Variants in WDFY1 observed in about 807,000 individuals in gnomAD.
WDFY1 encodes the protein WD repeat and FYVE domain containing 1, also known as WD repeat and FYVE domain-containing protein 1.
WDFY1 carries 32 observed loss-of-function variants against 56.4 expected under a neutral mutation model. The observed-to-expected ratio is 0.57, with a 90% CI of 0.43 to 0.76. The LOEUF (loss-of-function observed/expected upper bound fraction) is 0.76, where lower values mean the gene tolerates loss of function less well. Among genes scored for constraint, WDFY1 ranks in the 30% least tolerant of loss-of-function variants. The pLI is 0.00. For synonymous variants in WDFY1, 192 were observed against 197.3 expected (o/e 0.97, Z 0.23); for missense variants, 480 against 545.7 (o/e 0.88, Z 1.20).
At chr2:223,906,520 C>G (rs1240016024) in intron 3 of WDFY1, among the ~76,000 whole-genome samples, 3 of 151,888 alleles carry the variant, frequency 2.0e-5, no homozygotes, top group Non-Finnish European at 4.4e-5. Flanking sequence ...TTTTATGATC[C>G]CATATTTTCC....
rs1484570853 is a variant in WDFY1 at position 223,906,764 on chromosome 2, C to T, written c.280-763G>A. On this transcript the variant is annotated intron_variant, in intron 3 of 11. Coordinates refer to ENST00000233055, the MANE Select transcript of WDFY1 (RefSeq NM_020830.5). ...CGAACTCCTGACCTCAGGTGATCCA[C>T]CCACCTTAGCCTCCCAAAGTGCTGG... is the stretch of plus-strand genomic sequence containing the variant. Among the ~76,000 whole-genome samples the T allele has an allele frequency of 3.9e-5, 6 of 152,094 alleles. No homozygotes were observed. In the South Asian group the frequency reaches 1.2e-3, roughly 32 times the overall value.
chr2:223,896,337 A>G (rs1559165658), intron 6 of WDFY1, among the ~76,000 whole-genome samples: 1 of 19,466 alleles, frequency 5.1e-5, no homozygotes, highest in Admixed American at 7.3e-4. Context: ...TCCAACCTAC[A>G]CAAGATAAAA....
chr2:223,884,658 C>T lies in WDFY1; in HGVS notation c.923G>A (p.Gly308Glu). The T allele has an allele frequency of 1.2e-6, 2 of 1,613,978 alleles. No homozygotes were observed. The highest frequency in any genetic ancestry group is 1.7e-6 in the Non-Finnish European group (2 of 1,179,952). Residue 308 changes from glycine to glutamate, a missense_variant, in exon 9 of 12, where the codon GGG becomes GAG. By Grantham distance (98) the Gly-to-Glu change is moderately conservative. Coordinates refer to ENST00000233055, the MANE Select transcript of WDFY1 (RefSeq NM_020830.5). ...IKQMWDTKTL[G>E]LRQHHCRKCG... ...ACAGTGGCTACTCACTTGTCTTAGC[C>T]CCAGCGTCTTGGTGTCCCACATCTG...
chr2:223,928,902 G>T (rs533933407), intron 1 of WDFY1, among the ~76,000 whole-genome samples: 4 of 152,118 alleles, frequency 2.6e-5, no homozygotes, highest in South Asian at 2.1e-4. Flanking sequence ...GTTATTGCAG[G>T]GGGGGTGAGA....
intron 8 of WDFY1, among the ~76,000 whole-genome samples, chr2:223,888,572 T>C (rs1415512258): frequency 6.8e-6 from 1 of 147,534 alleles, no homozygotes; most frequent in Non-Finnish European, 1.5e-5. Context: ...AGATAAGCCA[T>C]TTTTAAATTC....
chr2:223,901,565 A>G (rs1218398520), intron 4 of WDFY1, among the ~76,000 whole-genome samples: 2 of 152,188 alleles, frequency 1.3e-5, no homozygotes, highest in African/African-American at 2.4e-5. Flanking sequence ...CATGGCCACC[A>G]GAAGCTAGGA....
rs1019226923 is a variant in WDFY1, at chr2:223,878,563, T to C, written c.*108A>G. ...TTCTTTTTAAAAATGTTGATTTGTT[T>C]GTAAGTGGCTACTGTCCATTCACGA... On this transcript the variant is annotated 3_prime_UTR_variant, in exon 12 of 12. Transcript: ENST00000233055. The C allele has an allele frequency of 3.8e-6, 3 of 798,980 alleles. No homozygotes were observed. Among genetic ancestry groups the C allele is most frequent in the Non-Finnish European group, 6.2e-6 (3 of 485,290 alleles). 49.5% of individuals were successfully genotyped at this position (798,980 alleles called of 1,614,324 possible).
intron 1 of WDFY1, among the ~76,000 whole-genome samples, chr2:223,933,790 C>CG (rs1553538320): frequency 2.1e-5 from 2 of 97,438 alleles, no homozygotes; most frequent in African/African-American, 6.8e-5. Flanking sequence ...GACCCCCCCC[C>CG]ATCTCTACAA....
At chr2:223,907,214 T>G (rs1693611621) in intron 3 of WDFY1, among the ~76,000 whole-genome samples, 1 of 151,956 alleles carries the variant, frequency 6.6e-6, no homozygotes, top group African/African-American at 2.4e-5. Context: ...CAGCCTCAAG[T>G]GATCCACCCC....
chr2:223,902,634 G>A (rs188345389), intron 4 of WDFY1, among the ~76,000 whole-genome samples: 4 of 152,198 alleles, frequency 2.6e-5, no homozygotes, highest in Non-Finnish European at 4.4e-5. Context: ...CATAAGATCT[G>A]TCTCAGCGTC....
intron 1 of WDFY1, among the ~76,000 whole-genome samples, chr2:223,931,778 C>T (rs961149846): frequency 4.6e-5 from 7 of 151,892 alleles, no homozygotes; most frequent in South Asian, 2.1e-4. Flanking sequence ...CTCTGCCTCC[C>T]GGGTTCAAGC....
chr2:223,929,176 C>A, intron 1 of WDFY1, among the ~76,000 whole-genome samples: 1 of 83,006 alleles, frequency 1.2e-5, no homozygotes, highest in East Asian at 2.5e-4. Context: ...TTTTTTTTTT[C>A]TTTCTGTTTT....
chr2:223,898,099 G>C (rs894867182), intron 6 of WDFY1, among the ~76,000 whole-genome samples: 2 of 152,070 alleles, frequency 1.3e-5, no homozygotes, highest in Non-Finnish European at 2.9e-5. Context: ...TGTGTATGTG[G>C]CGAGTCACTC....
chr2:223,945,288 C>T lies in WDFY1; in HGVS notation c.-4G>A. ...TGGAGTGGATTTCGGCCGCCATGTT[C>T]GCGCGGCGACTGCTGCGGCCTCCTC... On this transcript the variant is annotated 5_prime_UTR_variant, in exon 1 of 12. Transcript: ENST00000233055. 1 of 1,567,466 alleles carries T rather than the reference C, an allele frequency of 6.4e-7. No individual in the cohort carries two copies. The highest frequency in any genetic ancestry group is 1.1e-5 in the South Asian group (1 of 87,870).
At chr2:223,938,948 G>A (rs1419975124) in intron 1 of WDFY1, among the ~76,000 whole-genome samples, 4 of 149,528 alleles carry the variant, frequency 2.7e-5, no homozygotes, top group South Asian at 2.1e-4. Context: ...TCCGCCTACC[G>A]GGCTCAAGTG....
intron 1 of WDFY1, among the ~76,000 whole-genome samples, chr2:223,921,560 T>A (rs1693885418): frequency 1.3e-5 from 2 of 152,060 alleles, no homozygotes; most frequent in Admixed American, 6.6e-5. Flanking sequence ...TAATTCAAAC[T>A]AAAAGATATG....
At chr2:223,913,270 T>G (rs1693735551) in intron 2 of WDFY1, among the ~76,000 whole-genome samples, 1 of 151,644 alleles carries the variant, frequency 6.6e-6, no homozygotes, top group South Asian at 2.1e-4. Context: ...AGTCACCATT[T>G]GAATATAAAG....
chr2:223,916,666 C>A (rs1351075800), intron 2 of WDFY1, among the ~76,000 whole-genome samples: 1 of 152,146 alleles, frequency 6.6e-6, no homozygotes, highest in Non-Finnish European at 1.5e-5. Context: ...CCCATTTGAA[C>A]TTTGATGACA....
intron 6 of WDFY1, 87 bp from the exon 7 acceptor site, chr2:223,895,717 G>A (rs1457507781): frequency 1.3e-6 from 2 of 1,541,910 alleles, no homozygotes; most frequent in Non-Finnish European, 1.7e-6. Context: ...TTTGACAGCT[G>A]AAGACCAAAC....
Sources: gnomAD v4.1 joint callset for allele counts (sites outside exome capture counted in the v4.1 genomes callset) on GRCh38, gnomAD v4.1.1 for gene constraint, MANE v1.5 for transcripts, NCBI Gene and HGNC (gene_info 2026-07-23, HGNC 2026-07-21) for gene names.